Variants in SMC6 observed in about 807,000 individuals in gnomAD.
SMC6 encodes the protein structural maintenance of chromosomes protein 6.
In SMC6, 79 loss-of-function variants were observed where a neutral mutation model predicts 142.2. The ratio of observed to expected loss-of-function variants is 0.56; its 90% CI spans 0.46 to 0.67. SMC6 has a LOEUF of 0.67. Ranked by LOEUF, SMC6 falls within the 30% of genes least tolerant of loss-of-function variation. The probability of loss-of-function intolerance (pLI) is 0.00; values close to 1 mark genes in which losing one functional copy is unlikely to be tolerated. For synonymous variants in SMC6, 411 were observed against 412.4 expected (o/e 1.00, Z 0.04); for missense variants, 1,072 against 1,284.0 (o/e 0.83, Z 2.52).
intron 16 of SMC6, among the ~76,000 whole-genome samples, chr2:17,710,479 A>C (rs910923974): frequency 1.3e-5 from 2 of 152,176 alleles, no homozygotes; most frequent in Non-Finnish European, 2.9e-5. Flanking sequence ...TATGATCTGT[A>C]AAGCCATGCA....
At chr2:17,691,376 TTTTC>T (rs1378496320) in intron 23 of SMC6, among the ~76,000 whole-genome samples, 2 of 148,874 alleles carry the variant, frequency 1.3e-5, no homozygotes, top group Admixed American at 6.6e-5. Flanking sequence ...GTATACACAT[TTTTC>T]TTTCTTCATT....
rs554727332 is a variant in SMC6, at chr2:17,678,617, A to G, written c.2910+242T>C. Among the ~76,000 whole-genome samples the G allele has an allele frequency of 2.0e-5, 3 of 151,760 alleles. No individual in the cohort carries two copies. In the East Asian group the frequency reaches 5.8e-4, roughly 29 times the overall value. ...ACCTTGTCTATACGGAAAAAAAAAAAAAAAAAAAATTAGCTGGGCATGGTG... is the reference window on the plus strand; with the variant it reads ...ACCTTGTCTATACGGAAAAAAAAAAGAAAAAAAAATTAGCTGGGCATGGTG... On this transcript the variant is annotated intron_variant, in intron 25 of 27. Coordinates refer to ENST00000448223, the MANE Select transcript of SMC6 (RefSeq NM_001142286.2).
intron 23 of SMC6, among the ~76,000 whole-genome samples, chr2:17,694,389 T>C (rs1392425128): frequency 6.6e-6 from 1 of 152,202 alleles, no homozygotes; most frequent in Non-Finnish European, 1.5e-5. Context: ...TCCTAAATAC[T>C]CTGATTTGAT....
At chr2:17,715,217 G>GTTAAATC in intron 15 of SMC6, 152 bp from the exon 16 acceptor site, 1 of 744,294 alleles carries the variant, frequency 1.3e-6, no homozygotes, top group Non-Finnish European at 2.2e-6. Context: ...GTTTATAAAT[G>GTTAAATC]ATTTAACATA....
At chr2:17,678,520 C>T (rs1369962669) in intron 25 of SMC6, among the ~76,000 whole-genome samples, 2 of 150,934 alleles carry the variant, frequency 1.3e-5, no homozygotes, top group Non-Finnish European at 2.9e-5. Flanking sequence ...ATAATCCCAG[C>T]ACTTTGGGAG....
intron 3 of SMC6, among the ~76,000 whole-genome samples, chr2:17,745,574 CT>C (rs1459357467): frequency 1.3e-5 from 2 of 152,206 alleles, no homozygotes; most frequent in East Asian, 3.9e-4. Flanking sequence ...TGTGTCTTTT[CT>C]CTTTTTGCAT....
intron 21 of SMC6, 78 bp downstream of exon 21, chr2:17,700,130 G>A: frequency 2.1e-6 from 2 of 931,926 alleles, no homozygotes; most frequent in Non-Finnish European, 3.1e-6. Flanking sequence ...ATTCTTTTAG[G>A]CCAATATCCA....
intron 19 of SMC6, among the ~76,000 whole-genome samples, chr2:17,702,822 G>A (rs1446681052): frequency 1.9e-4 from 29 of 152,022 alleles, no homozygotes; most frequent in Admixed American, 1.8e-3. Flanking sequence ...TTTGCCTTCC[G>A]CCATGATTGT....
chr2:17,748,413 G>T (rs1670860460), intron 2 of SMC6, among the ~76,000 whole-genome samples: 1 of 152,124 alleles, frequency 6.6e-6, no homozygotes, highest in South Asian at 2.1e-4. Flanking sequence ...CATTTAAAGG[G>T]TACATTACTT....
intron 4 of SMC6, chr2:17,740,652 T>G (rs879162579): frequency 5.1e-6 from 2 of 389,464 alleles, no homozygotes; most frequent in East Asian, 1.9e-4. Context: ...CTCAGGAGTT[T>G]GAGATCAGCC....
intron 5 of SMC6, among the ~76,000 whole-genome samples, chr2:17,732,115 A>G (rs1319920104): frequency 6.6e-6 from 1 of 152,240 alleles, no homozygotes; most frequent in Non-Finnish European, 1.5e-5. Context: ...TTGACTGACT[A>G]TTCTATCCAT....
At chr2:17,735,513 G>A (rs1319947018) in intron 5 of SMC6, among the ~76,000 whole-genome samples, 1 of 152,196 alleles carries the variant, frequency 6.6e-6, no homozygotes, top group South Asian at 2.1e-4. Context: ...ACAGGAGAAT[G>A]AGTTTTTGTC....
At chr2:17,714,053 T>C (rs1668956710) in intron 16 of SMC6, among the ~76,000 whole-genome samples, 1 of 151,858 alleles carries the variant, frequency 6.6e-6, no homozygotes, top group Non-Finnish European at 1.5e-5. Flanking sequence ...TAAAATGTCA[T>C]CTGGGAATAG....
intron 16 of SMC6, among the ~76,000 whole-genome samples, chr2:17,710,981 C>T (rs950120073): frequency 2.6e-5 from 4 of 151,986 alleles, no homozygotes; most frequent in Admixed American, 2.6e-4. Context: ...GCTCTAGAAA[C>T]GTCAGGCAGT....
At chr2:17,683,804 C>T (rs565594059) in intron 23 of SMC6, 41 bp from the exon 24 acceptor site, 11 of 1,571,762 alleles carry the variant, frequency 7.0e-6, no homozygotes, top group South Asian at 5.6e-5. Flanking sequence ...ATACACCACA[C>T]GTAAAAAACA....
chr2:17,679,069 A>C, intron 24 of SMC6, 105 bp from the exon 25 acceptor site: 1 of 681,714 alleles, frequency 1.5e-6, no homozygotes, highest in Non-Finnish European at 2.4e-6. Context: ...AAATATGCCA[A>C]AATGTAAACA....
In SMC6 at chr2:17,738,393, T is replaced by C. The variant is rs916641785; in HGVS notation, c.239-67A>G. ...AAAAGGAAAAAGCTGACTCCTACCA[T>C]GTAATGCAAAAAGATTTATGAATGA... On this transcript the variant is annotated intron_variant, in intron 4 of 27. Transcript: ENST00000448223. 21 of 1,056,754 alleles carry C rather than the reference T, an allele frequency of 2.0e-5. No homozygotes were observed. In the South Asian group the frequency reaches 3.5e-4, roughly 18 times the overall value. The allele number at this position is 1,056,754 out of a possible 1,614,324, so 65.5% of individuals were successfully genotyped here.
chr2:17,675,158 C>A (rs1452464104), intron 25 of SMC6, among the ~76,000 whole-genome samples: 1 of 151,890 alleles, frequency 6.6e-6, no homozygotes, highest in South Asian at 2.1e-4. Flanking sequence ...TAAAATTATA[C>A]ATCCTTTTAA....
intron 5 of SMC6, among the ~76,000 whole-genome samples, chr2:17,733,792 C>T (rs1207017682): frequency 6.6e-6 from 1 of 152,128 alleles, no homozygotes; most frequent in Non-Finnish European, 1.5e-5. Flanking sequence ...AATAAAAAGA[C>T]ATAACATACT....
Sources: allele counts gnomAD v4.1 joint callset (sites outside exome capture counted in the v4.1 genomes callset), GRCh38; gene constraint gnomAD v4.1.1; transcripts MANE v1.5; gene names NCBI Gene and HGNC (gene_info 2026-07-23, HGNC 2026-07-21).